The following NFYC variants were observed in gnomAD, a reference collection of about 807,000 sequenced individuals.
NFYC encodes the protein nuclear transcription factor Y subunit gamma.
Under a neutral mutation model 53.1 loss-of-function variants are expected in NFYC, and 25 were observed. That is an observed-to-expected ratio of 0.47 (90% CI 0.34 to 0.66). The LOEUF (loss-of-function observed/expected upper bound fraction) is 0.66, where lower values mean the gene tolerates loss of function less well. Among genes scored for constraint, NFYC ranks in the 30% least tolerant of loss-of-function variants. The pLI, the probability that NFYC is intolerant of heterozygous loss-of-function variation, is 0.01. For synonymous variants in NFYC, 145 were observed against 152.6 expected (o/e 0.95, Z 0.37); for missense variants, 260 against 422.7 (o/e 0.62, Z 3.38).
chr1:40,769,850 T>C (rs1647000081), intron 9 of NFYC, among the ~76,000 whole-genome samples: 2 of 152,228 alleles, frequency 1.3e-5, no homozygotes, highest in Admixed American at 6.5e-5. Context: ...TCTGGGTGCC[T>C]GAAATTCAGT....
chr1:40,762,724 G>C (rs902800712), intron 6 of NFYC, among the ~76,000 whole-genome samples, 164 bp from the exon 7 acceptor site: 1 of 152,188 alleles, frequency 6.6e-6, no homozygotes, highest in Admixed American at 6.5e-5. Context: ...CTTCAGCAAT[G>C]CTGTAAACCC....
rs747442169 is a variant in NFYC at position 40,738,820 on chromosome 1, A to G, written c.-8-16A>G. ...TTATTGTTTCTAATGTGTCTTATGT[A>G]TGTGTTTATTTTCAGTTGTCGAGAT... On this transcript the variant is annotated splice_polypyrimidine_tract_variant and intron_variant, in intron 1 of 9. Transcript: ENST00000447388. The G allele has an allele frequency of 3.6e-5, 57 of 1,569,014 alleles. No individual in the cohort carries two copies. Among genetic ancestry groups the G allele is most frequent in the Admixed American group, 5.0e-5 (3 of 59,772 alleles).
At chr1:40,702,424 C>T (rs1344503699) in intron 1 of NFYC, among the ~76,000 whole-genome samples, 1 of 150,570 alleles carries the variant, frequency 6.6e-6, no homozygotes, top group Non-Finnish European at 1.5e-5. Context: ...CTCACTGTAA[C>T]CTCCGCCTAC....
intron 1 of NFYC, among the ~76,000 whole-genome samples, chr1:40,712,981 C>G (rs1643991170): frequency 1.3e-5 from 2 of 152,070 alleles, no homozygotes; most frequent in Admixed American, 6.5e-5. Flanking sequence ...GGATTACAAG[C>G]ACTGGGATTA....
intron 2 of NFYC, among the ~76,000 whole-genome samples, chr1:40,741,714 C>T (rs937471407): frequency 5.3e-5 from 8 of 151,400 alleles, no homozygotes; most frequent in Non-Finnish European, 5.9e-5. Flanking sequence ...GCGATCCTCC[C>T]GCCTCAGCCT....
At chr1:40,704,404 G>A (rs1643594970) in intron 1 of NFYC, among the ~76,000 whole-genome samples, 1 of 152,186 alleles carries the variant, frequency 6.6e-6, no homozygotes, top group East Asian at 1.9e-4. Context: ...AGAAGATGCA[G>A]TTGTCTGGTG....
Position 40,762,908 on chromosome 1 carries a change from G to T in NFYC, c.582G>T (p.Gln194His). 6.2e-7 allele frequency: 1 copy of T among 1,605,448 alleles called. No individual in the cohort carries two copies. The highest frequency in any genetic ancestry group is 8.5e-7 in the Non-Finnish European group (1 of 1,175,302). The change falls in exon 7 of 10, where the codon CAG becomes CAT. Residue 194 changes from glutamine to histidine, a missense_variant. Coordinates refer to ENST00000447388, the MANE Select transcript of NFYC (RefSeq NM_014223.5). The stretch of plus-strand genomic sequence containing the variant: ...TTCAGACCACACCTGTGACAATGCA[G>T]GTTGGAGAAGGTCAGCAGGTGCAGA... ...QQGQTTPVTM[Q>H]VGEGQQVQIV...
At chr1:40,738,972 A>G in intron 2 of NFYC, 24 bp downstream of exon 2, 1 of 1,535,256 alleles carries the variant, frequency 6.5e-7, no homozygotes, top group Non-Finnish European at 9.0e-7. Flanking sequence ...AGAAACTTTT[A>G]TTAGAAACTT....
chr1:40,711,567 G>T (rs1362681147), intron 1 of NFYC, among the ~76,000 whole-genome samples: 3 of 152,158 alleles, frequency 2.0e-5, no homozygotes. Flanking sequence ...CTCTAGCCGA[G>T]GTTCTTCACC....
chr1:40,730,560 A>G (rs1475661076), intron 1 of NFYC: 17 of 985,234 alleles, frequency 1.7e-5, no homozygotes, highest in Non-Finnish European at 1.9e-5. Flanking sequence ...ACCTCATGAC[A>G]GAGGAAGATA....
At chr1:40,769,515 C>T in intron 9 of NFYC, 100 bp downstream of exon 9, 1 of 936,002 alleles carries the variant, frequency 1.1e-6, no homozygotes, top group South Asian at 1.3e-5. Context: ...GTCCTGTCCT[C>T]TACTAACAGT....
At chr1:40,734,562 T>C (rs931952672) in intron 1 of NFYC, among the ~76,000 whole-genome samples, 58 of 152,214 alleles carry the variant, frequency 3.8e-4, no homozygotes, top group Non-Finnish European at 1.0e-4. Context: ...GGTTTCACCA[T>C]GTTGGCCAGG....
chr1:40,741,063 TG>T (rs748635602), intron 2 of NFYC, among the ~76,000 whole-genome samples: 8 of 152,198 alleles, frequency 5.3e-5, no homozygotes, highest in African/African-American at 7.2e-5. Flanking sequence ...ATTGCAGTAC[TG>T]AAACTGTGCA....
At chr1:40,761,981 G>A (rs962428552) in intron 6 of NFYC, among the ~76,000 whole-genome samples, 3 of 149,412 alleles carry the variant, frequency 2.0e-5, no homozygotes, top group African/African-American at 7.4e-5. Context: ...CACTGCTCTA[G>A]GTAACCTGTA....
chr1:40,754,253 A>C (rs182164270), intron 5 of NFYC: 1 of 532,572 alleles, frequency 1.9e-6, no homozygotes, highest in Non-Finnish European at 3.8e-6. Flanking sequence ...ATCCTAATGA[A>C]CATTTGTAAT....
chr1:40,743,237 A>C (rs756179913), intron 2 of NFYC, among the ~76,000 whole-genome samples: 1 of 152,230 alleles, frequency 6.6e-6, no homozygotes, highest in Non-Finnish European at 1.5e-5. Flanking sequence ...CATGATTCTT[A>C]AAAGCTCTGT....
intron 4 of NFYC, among the ~76,000 whole-genome samples, chr1:40,751,715 T>C (rs1198195752): frequency 2.0e-5 from 3 of 152,166 alleles, no homozygotes; most frequent in African/African-American, 4.8e-5. Flanking sequence ...CTTAAGTATA[T>C]CTATGTTTCC....
intron 1 of NFYC, among the ~76,000 whole-genome samples, chr1:40,733,019 C>CT (rs11446084): frequency 0.65 from 66,325 of 102,714 alleles, 22,792 homozygotes; most frequent in East Asian, 0.83. Context: ...CCCCCCCCCC[C>CT]TTTTTTTTTT....
At chr1:40,721,727 A>AT (rs1047400196) in intron 1 of NFYC, 8 of 151,556 alleles carry the variant, frequency 5.3e-5, no homozygotes, top group South Asian at 2.1e-4. Flanking sequence ...ACACAGGCTA[A>AT]TTTTTTTTTC....
Sources: gnomAD v4.1 joint callset for allele counts (sites outside exome capture counted in the v4.1 genomes callset) on GRCh38, gnomAD v4.1.1 for gene constraint, MANE v1.5 for transcripts, NCBI Gene and HGNC (gene_info 2026-07-23, HGNC 2026-07-21) for gene names.